Variants in SFXN1 observed in about 807,000 individuals in gnomAD.
SFXN1 encodes the protein sideroflexin 1.
In SFXN1, 32 loss-of-function variants were observed where a neutral mutation model predicts 39.5. The ratio of observed to expected loss-of-function variants is 0.81; its 90% CI spans 0.61 to 1.09. SFXN1 has a LOEUF of 1.09. Among genes scored for constraint, SFXN1 ranks in the 50% least tolerant of loss-of-function variants. The pLI is 0.00. For missense variants in SFXN1, 402 were observed against 407.1 expected, an observed-to-expected ratio of 0.99 and a Z score of 0.11; for synonymous variants, 136 against 146.5, an observed-to-expected ratio of 0.93 and a Z score of 0.52.
chr5:175,507,854 T>C (rs928893006), intron 2 of SFXN1, among the ~76,000 whole-genome samples: 13 of 151,968 alleles, frequency 8.6e-5, no homozygotes, highest in Non-Finnish European at 1.5e-4. Flanking sequence ...ATGCCTATAG[T>C]CCTAGCTACT....
At chr5:175,518,397 C>A (rs1290453759) in intron 8 of SFXN1, among the ~76,000 whole-genome samples, 8 of 152,032 alleles carry the variant, frequency 5.3e-5, no homozygotes, top group Non-Finnish European at 8.8e-5. Flanking sequence ...TTTTCAGCAG[C>A]CCTTTGCTGA....
rs1222389550 is a variant in SFXN1 at position 175,492,097 on chromosome 5, C to T, written c.-7C>T. 5.6e-6 allele frequency: 9 copies of T among 1,610,456 alleles called. No homozygotes were observed. The highest frequency in any genetic ancestry group is 4.4e-5 in the South Asian group (4 of 90,414). Reference sequence around the variant, plus strand: ...CTTGCCTTTTTGACTCTTTGCAGTCCGGGACCATGTCTGGAGAACTACCAC... The same window carrying T: ...CTTGCCTTTTTGACTCTTTGCAGTCTGGGACCATGTCTGGAGAACTACCAC... On this transcript the variant is annotated splice_region_variant and 5_prime_UTR_variant, in exon 2 of 11. Coordinates refer to ENST00000321442, the MANE Select transcript of SFXN1 (RefSeq NM_022754.7).
chr5:175,493,819 A>G lies in SFXN1; in HGVS notation c.164+1552A>G, dbSNP rs191255269. 6.1e-3 allele frequency among the ~76,000 whole-genome samples: 935 copies of G among 152,100 alleles called. 4 individuals carry two copies. The highest frequency in any genetic ancestry group is 9.7e-3 in the Non-Finnish European group (658 of 68,036). Reference sequence around the variant, plus strand: ...CCGGGGTGAAGAACAGAGGTCGGCAAACTTTTTCCGTAAAGGGCCAGACGA... The same window carrying G: ...CCGGGGTGAAGAACAGAGGTCGGCAGACTTTTTCCGTAAAGGGCCAGACGA... On this transcript the variant is annotated intron_variant, in intron 2 of 10. Coordinates refer to ENST00000321442, the MANE Select transcript of SFXN1 (RefSeq NM_022754.7).
chr5:175,496,492 T>C (rs1759865487), intron 2 of SFXN1, among the ~76,000 whole-genome samples: 1 of 152,144 alleles, frequency 6.6e-6, no homozygotes, highest in South Asian at 2.1e-4. Flanking sequence ...CTCAGAAATA[T>C]ACATGATTTT....
intron 2 of SFXN1, among the ~76,000 whole-genome samples, chr5:175,505,572 A>ATAATAATTC (rs1156627589): frequency 6.8e-6 from 1 of 148,042 alleles, no homozygotes; most frequent in Non-Finnish European, 1.5e-5. Flanking sequence ...AATAATAATA[A>ATAATAATTC]TTCTAAGGTT....
chr5:175,493,518 G>A (rs1011564199), intron 2 of SFXN1, among the ~76,000 whole-genome samples: 1 of 152,142 alleles, frequency 6.6e-6, no homozygotes, highest in Non-Finnish European at 1.5e-5. Flanking sequence ...TGCGTAAAGA[G>A]GGAATACACA....
At chr5:175,483,796 A>G (rs942426805) in intron 1 of SFXN1, 2 of 152,342 alleles carry the variant, frequency 1.3e-5, no homozygotes, top group African/African-American at 4.8e-5. Flanking sequence ...TGAGTGCCTG[A>G]AGGCACCACC....
intron 10 of SFXN1, among the ~76,000 whole-genome samples, chr5:175,525,450 C>G (rs961806435): frequency 6.6e-6 from 1 of 152,208 alleles, no homozygotes; most frequent in South Asian, 2.1e-4. Context: ...TAAAATCACT[C>G]AAAGGCCCAC....
intron 7 of SFXN1, among the ~76,000 whole-genome samples, chr5:175,514,758 G>C (rs1371907982): frequency 6.6e-6 from 1 of 152,170 alleles, no homozygotes; most frequent in African/African-American, 2.4e-5. Context: ...AGCAAATTGG[G>C]GGAAAACTGC....
intron 2 of SFXN1, among the ~76,000 whole-genome samples, chr5:175,500,589 A>C (rs887656342): frequency 6.6e-6 from 1 of 152,138 alleles, no homozygotes; most frequent in African/African-American, 2.4e-5. Context: ...GTAATCATCA[A>C]AACCCCAGCA....
chr5:175,478,904 G>A (rs765093402), intron 1 of SFXN1, among the ~76,000 whole-genome samples: 65 of 152,096 alleles, frequency 4.3e-4, no homozygotes, highest in Non-Finnish European at 8.2e-4. Flanking sequence ...CGTGGGCCTC[G>A]TCCCCGGTGG....
intron 2 of SFXN1, among the ~76,000 whole-genome samples, chr5:175,499,851 G>A (rs1760005754): frequency 6.6e-6 from 1 of 152,142 alleles, no homozygotes; most frequent in African/African-American, 2.4e-5. Flanking sequence ...AAATGAAAAA[G>A]TAAAACTTTC....
At chr5:175,489,595 A>G (rs1759583888) in intron 1 of SFXN1, among the ~76,000 whole-genome samples, 2 of 152,254 alleles carry the variant, frequency 1.3e-5, no homozygotes, top group African/African-American at 4.8e-5. Context: ...TGGCAGCAAG[A>G]AGGGAGACAC....
intron 7 of SFXN1, 99 bp from the exon 8 acceptor site, chr5:175,516,515 C>G (rs1760719374): frequency 1.9e-6 from 2 of 1,052,436 alleles, no homozygotes; most frequent in Non-Finnish European, 2.8e-6. Context: ...TGGAAATAGC[C>G]TAAAAGTGAC....
chr5:175,523,590 G>C (rs1365441401), intron 10 of SFXN1: 1 of 152,108 alleles, frequency 6.6e-6, no homozygotes, highest in Non-Finnish European at 1.5e-5. Context: ...AGATTGAAAG[G>C]GTTTTAGATT....
chr5:175,504,751 C>T (rs1022954098), intron 2 of SFXN1, among the ~76,000 whole-genome samples: 5 of 151,712 alleles, frequency 3.3e-5, no homozygotes, highest in East Asian at 3.9e-4. Flanking sequence ...GGGGAGGGTG[C>T]GGAGTCTTGC....
At chr5:175,499,747 T>C (rs1409106825) in intron 2 of SFXN1, among the ~76,000 whole-genome samples, 2 of 152,218 alleles carry the variant, frequency 1.3e-5, no homozygotes, top group African/African-American at 4.8e-5. Flanking sequence ...GGATTTCTGC[T>C]CTCGTTAACT....
intron 2 of SFXN1, among the ~76,000 whole-genome samples, chr5:175,508,819 G>A (rs1760406409): frequency 6.6e-6 from 1 of 151,768 alleles, no homozygotes; most frequent in Non-Finnish European, 1.5e-5. Context: ...TGTATCTTTA[G>A]TAGAGACGGG....
intron 1 of SFXN1, among the ~76,000 whole-genome samples, chr5:175,482,170 G>A (rs1759278177): frequency 6.6e-6 from 1 of 152,196 alleles, no homozygotes; most frequent in South Asian, 2.1e-4. Flanking sequence ...ATGTCCCCTG[G>A]ACAGTGGACA....
Sources: gnomAD v4.1 joint callset for allele counts (sites outside exome capture counted in the v4.1 genomes callset) on GRCh38, gnomAD v4.1.1 for gene constraint, MANE v1.5 for transcripts, NCBI Gene and HGNC (gene_info 2026-07-23, HGNC 2026-07-21) for gene names.